The following SLC24A2 variants were observed in gnomAD, a reference collection of about 807,000 sequenced individuals.
SLC24A2 encodes the protein solute carrier family 24 member 2.
Under a neutral mutation model 62.0 loss-of-function variants are expected in SLC24A2, and 36 were observed. The observed-to-expected ratio is 0.58, with a 90% CI of 0.44 to 0.77. The LOEUF (loss-of-function observed/expected upper bound fraction) is 0.77. Ranked by LOEUF, SLC24A2 falls within the 30% of genes least tolerant of loss-of-function variation. The pLI, the probability that SLC24A2 is intolerant of heterozygous loss-of-function variation, is 0.00. For synonymous variants in SLC24A2, 358 were observed against 294.0 expected (o/e 1.22, Z -2.23); for missense variants, 846 against 817.9 (o/e 1.03, Z -0.42).
chr9:19,793,441 A>G (rs1370488816), upstream of SLC24A2, among the ~76,000 whole-genome samples: 1 of 152,220 alleles, frequency 6.6e-6, no homozygotes, highest in African/African-American at 2.4e-5. Flanking sequence ...GGTCATATCT[A>G]TTTTCAAGGG....
the SLC24A2 span, among the ~76,000 whole-genome samples, chr9:20,112,594 T>C: frequency 2.0e-5 from 3 of 152,174 alleles, no homozygotes; most frequent in Non-Finnish European, 4.4e-5. Context: ...CATTCCATTC[T>C]GAGTGATCTC....
At chr9:19,709,294 C>T (rs13291359) in intron 2 of SLC24A2, among the ~76,000 whole-genome samples, 41,618 of 151,300 alleles carry the variant, frequency 0.28, 5,686 homozygotes, top group African/African-American at 0.32. Flanking sequence ...GGAACACTTT[C>T]ACACTGTTGG....
At chr9:20,258,769 T>TATCC in the SLC24A2 span, among the ~76,000 whole-genome samples, 1 of 92,760 alleles carries the variant, frequency 1.1e-5, no homozygotes, top group African/African-American at 4.1e-5. Flanking sequence ...CTCATTTATC[T>TATCC]ATCTATCTAT....
intron 7 of SLC24A2, among the ~76,000 whole-genome samples, chr9:19,556,839 G>A (rs559618940): frequency 5.3e-4 from 80 of 152,312 alleles, no homozygotes; most frequent in African/African-American, 1.8e-3. Flanking sequence ...TTGCAAGGCA[G>A]AGCTCATTTG....
At chr9:20,061,216 C>T in the SLC24A2 span, among the ~76,000 whole-genome samples, 5 of 151,280 alleles carry the variant, frequency 3.3e-5, no homozygotes, top group Non-Finnish European at 7.4e-5. Flanking sequence ...GTGTGGTATT[C>T]ATATAAAGAT....
chr9:20,119,637 T>A, the SLC24A2 span, among the ~76,000 whole-genome samples: 2 of 152,138 alleles, frequency 1.3e-5, no homozygotes, highest in African/African-American at 4.8e-5. Context: ...ATAAAAAGCC[T>A]ACAGCTAATA....
At chr9:19,796,714 A>C in the SLC24A2 span, among the ~76,000 whole-genome samples, 1 of 152,130 alleles carries the variant, frequency 6.6e-6, no homozygotes, top group African/African-American at 2.4e-5. Context: ...ACATTTCATT[A>C]TTTCTGTAGA....
chr9:20,063,203 T>G, the SLC24A2 span, among the ~76,000 whole-genome samples: 3 of 151,032 alleles, frequency 2.0e-5, no homozygotes, highest in African/African-American at 7.3e-5. Flanking sequence ...GTATGTTTAT[T>G]GTGGCACTAT....
chr9:20,019,955 C>A, the SLC24A2 span, among the ~76,000 whole-genome samples: 1 of 150,860 alleles, frequency 6.6e-6, no homozygotes, highest in African/African-American at 2.4e-5. Context: ...ATGCGGCCAA[C>A]AAACATATGG....
the SLC24A2 span, among the ~76,000 whole-genome samples, chr9:20,022,271 A>G: frequency 2.0e-5 from 3 of 152,230 alleles, no homozygotes; most frequent in African/African-American, 7.2e-5. Context: ...GTAATTTATG[A>G]ATGATAAAAA....
intron 2 of SLC24A2, among the ~76,000 whole-genome samples, chr9:19,643,642 G>C (rs930413708): frequency 6.6e-6 from 1 of 152,214 alleles, no homozygotes; most frequent in African/African-American, 2.4e-5. Flanking sequence ...AGGCAGACTT[G>C]TCATGTCTGA....
chr9:19,712,777 T>C (rs534639691), intron 2 of SLC24A2, among the ~76,000 whole-genome samples: 2 of 152,304 alleles, frequency 1.3e-5, no homozygotes, highest in East Asian at 1.9e-4. Context: ...ACTTCAGTGC[T>C]AGTGACATTT....
At chr9:19,779,086 A>G (rs1252635105) in intron 2 of SLC24A2, among the ~76,000 whole-genome samples, 1 of 152,228 alleles carries the variant, frequency 6.6e-6, no homozygotes, top group Non-Finnish European at 1.5e-5. Flanking sequence ...GAAGGTAGAT[A>G]TAAAGAAATG....
the SLC24A2 span, among the ~76,000 whole-genome samples, chr9:20,171,639 T>A: frequency 6.6e-6 from 1 of 152,014 alleles, no homozygotes; most frequent in African/African-American, 2.4e-5. Flanking sequence ...TATATAATGA[T>A]AAAAGGCCTT....
At chr9:20,196,254 C>A in the SLC24A2 span, among the ~76,000 whole-genome samples, 2 of 152,232 alleles carry the variant, frequency 1.3e-5, no homozygotes, top group South Asian at 4.1e-4. Context: ...AGATACCTGC[C>A]TAGCTGTGAA....
chr9:19,616,726 G>A (rs1476534633), intron 4 of SLC24A2, among the ~76,000 whole-genome samples: 1 of 152,006 alleles, frequency 6.6e-6, no homozygotes, highest in African/African-American at 2.4e-5. Flanking sequence ...CCTGTATCCT[G>A]GCAGAAACAG....
the SLC24A2 span, among the ~76,000 whole-genome samples, chr9:19,878,691 G>A: frequency 1.3e-5 from 2 of 152,058 alleles, no homozygotes; most frequent in Non-Finnish European, 2.9e-5. Flanking sequence ...CCCTGGCCAT[G>A]TAAGACCTGC....
At chr9:20,209,864 T>A in the SLC24A2 span, among the ~76,000 whole-genome samples, 1 of 152,192 alleles carries the variant, frequency 6.6e-6, no homozygotes, top group Non-Finnish European at 1.5e-5. Flanking sequence ...TTCAAAAGTA[T>A]ACATTTGGTT....
At chr9:19,637,608 G>A (rs1818392494) in intron 2 of SLC24A2, among the ~76,000 whole-genome samples, 1 of 152,206 alleles carries the variant, frequency 6.6e-6, no homozygotes, top group South Asian at 2.1e-4. Context: ...GGAAATAAAG[G>A]CATGGAGAAG....
Sources: gnomAD v4.1 joint callset for allele counts (sites outside exome capture counted in the v4.1 genomes callset) on GRCh38, gnomAD v4.1.1 for gene constraint, MANE v1.5 for transcripts, NCBI Gene and HGNC (gene_info 2026-07-23, HGNC 2026-07-21) for gene names.